The following OR6A2 variants were observed in gnomAD, a reference collection of about 807,000 sequenced individuals.
The protein encoded by OR6A2 is olfactory receptor family 6 subfamily A member 2.
A neutral mutation model predicts 7.1 loss-of-function variants in OR6A2; 6 were observed. The observed-to-expected ratio is 0.85, with a 90% CI of 0.46 to 1.68. OR6A2 has a LOEUF of 1.68. Ranked by LOEUF, OR6A2 falls within the 40% of genes most tolerant of loss-of-function variation. OR6A2 has a pLI of 0.01. For missense variants in OR6A2, 431 were observed against 398.0 expected, an observed-to-expected ratio of 1.08 and a Z score of -0.71; for synonymous variants, 162 against 152.1, an observed-to-expected ratio of 1.06 and a Z score of -0.48.
In OR6A2 at chr11:6,793,296, T is replaced by C. The variant is rs1357383871; in HGVS notation, c.*1429A>G. ...AGCAAATAATGCATGATATCCTTGG[T>C]AATATCCTTTTGTAAATTTTATTAA... On this transcript the variant is annotated 3_prime_UTR_variant, in exon 2 of 2. Coordinates refer to ENST00000641196, the MANE Select transcript of OR6A2 (RefSeq NM_003696.3). The C allele has an allele frequency of 1.3e-5, 2 of 152,234 alleles. No individual in the cohort carries two copies. The highest frequency in any genetic ancestry group is 2.9e-5 in the Non-Finnish European group (2 of 68,038). The allele number at this position is 152,234 out of a possible 1,614,324, so 9.4% of individuals were successfully genotyped here. A position where few individuals can be genotyped will look rare whatever the true frequency, so the allele number is the denominator to read the frequency against.
chr11:6,799,148 G>T (rs1269951174), intron 1 of OR6A2, among the ~76,000 whole-genome samples: 1 of 152,086 alleles, frequency 6.6e-6, no homozygotes, highest in Non-Finnish European at 1.5e-5. Flanking sequence ...AAAACATGAG[G>T]AAGTTAGATG....
At chr11:6,796,049 C>T (rs1847746217) in intron 1 of OR6A2, among the ~76,000 whole-genome samples, 165 bp from the exon 2 acceptor site, 1 of 152,058 alleles carries the variant, frequency 6.6e-6, no homozygotes, top group Non-Finnish European at 1.5e-5. Flanking sequence ...GAAAGAGTCT[C>T]GGCTGCCCTA....
rs1847723028 is a variant in OR6A2, at chr11:6,794,562, T to C, written c.*163A>G. The C allele has an allele frequency of 5.6e-6, 5 of 898,392 alleles. No individual in the cohort carries two copies. Among genetic ancestry groups the C allele is most frequent in the Non-Finnish European group, 8.3e-6 (5 of 602,584 alleles). 55.7% of individuals were successfully genotyped at this position (898,392 alleles called of 1,614,324 possible). A position where few individuals can be genotyped will look rare whatever the true frequency, so the allele number is the denominator to read the frequency against. On this transcript the variant is annotated 3_prime_UTR_variant, in exon 2 of 2. Transcript: ENST00000641196. ...AATCCATTTTCTAGCTTGCAACCTA[T>C]TCCTCTCTCTCCTCTTGGACTAGTT...
At chr11:6,796,591 A>G (rs1847751122) in intron 1 of OR6A2, among the ~76,000 whole-genome samples, 1 of 152,230 alleles carries the variant, frequency 6.6e-6, no homozygotes, top group African/African-American at 2.4e-5. Context: ...AGATTAGGAA[A>G]TGGATGCTGG....
intron 1 of OR6A2, among the ~76,000 whole-genome samples, chr11:6,798,412 C>G (rs1847768773): frequency 6.6e-6 from 1 of 152,144 alleles, no homozygotes; most frequent in Admixed American, 6.6e-5. Context: ...TGTCCTATTT[C>G]TACTGCCTTC....
Position 6,794,317 on chromosome 11 carries a change from A to G in OR6A2, c.*408T>C, listed in dbSNP as rs1394183752. ...TTGATAGGTGATATGTTCCCAAAAC[A>G]AAAATTCCTAGTTTCTTATCTCCTT... On this transcript the variant is annotated 3_prime_UTR_variant, in exon 2 of 2. Coordinates refer to ENST00000641196, the MANE Select transcript of OR6A2 (RefSeq NM_003696.3). The G allele has an allele frequency of 5.9e-6, 1 of 169,138 alleles. No homozygotes were observed. The highest frequency in any genetic ancestry group is 1.3e-5 in the Non-Finnish European group (1 of 77,332). The allele number at this position is 169,138 out of a possible 1,614,324, so 10.5% of individuals were successfully genotyped here.
intron 1 of OR6A2, among the ~76,000 whole-genome samples, chr11:6,798,422 C>T (rs1847768894): frequency 6.6e-6 from 1 of 152,128 alleles, no homozygotes; most frequent in Admixed American, 6.6e-5. Flanking sequence ...CTACTGCCTT[C>T]CTCCTAGTTC....
At position 6,795,743 on chromosome 11, in the gene OR6A2, A is replaced by G; in HGVS notation, c.-35T>C. 1.3e-6 allele frequency: 2 copies of G among 1,599,574 alleles called. No homozygotes were observed. Among genetic ancestry groups the G allele is most frequent in the Non-Finnish European group, 1.7e-6 (2 of 1,169,852 alleles). On this transcript the variant is annotated 5_prime_UTR_variant, in exon 2 of 2. Coordinates refer to ENST00000641196, the MANE Select transcript of OR6A2 (RefSeq NM_003696.3). ...CTCTCTTACTGCTCTTCAGGAGATG[A>G]GAGTAGAGAGTCTTCAGTAGGCCAC...
chr11:6,798,921 T>A (rs1246705804), intron 1 of OR6A2, among the ~76,000 whole-genome samples: 1 of 152,184 alleles, frequency 6.6e-6, no homozygotes, highest in African/African-American at 2.4e-5. Flanking sequence ...TATAATGTGG[T>A]TGCATGAATG....
rs1023220866 is a variant in OR6A2, at chr11:6,792,274, G to T, written c.*2451C>A. On this transcript the variant is annotated 3_prime_UTR_variant, in exon 2 of 2. Transcript: ENST00000641196. ...AATAAAAATTGTTAATCACAATCTA[G>T]AATTCACCTGTACAAGGTTTGTAGT... 4.6e-5 allele frequency: 7 copies of T among 152,140 alleles called. No homozygotes were observed. The highest frequency in any genetic ancestry group is 1.7e-4 in the African/African-American group (7 of 41,444). 9.4% of individuals were successfully genotyped at this position (152,140 alleles called of 1,614,324 possible).
chr11:6,798,502 C>T (rs1458255277), intron 1 of OR6A2, among the ~76,000 whole-genome samples: 3 of 152,170 alleles, frequency 2.0e-5, no homozygotes, highest in South Asian at 4.2e-4. Flanking sequence ...TTTTTTCCTC[C>T]AGCCTGTACC....
At position 6,798,215 on chromosome 11, in the gene OR6A2, C is replaced by G. The variant is rs559977275; in HGVS notation, c.-177+1329G>C. Among the ~76,000 whole-genome samples the G allele has an allele frequency of 2.4e-4, 37 of 152,206 alleles. No individual in the cohort carries two copies. In the Middle Eastern group the frequency reaches 0.014, roughly 56 times the overall value. ...TATGTCTAGAATAACCTTTCCCAAG[C>G]AAGTTATTCCTCTATTACAATAAAT... On this transcript the variant is annotated intron_variant, in intron 1 of 1. Coordinates refer to ENST00000641196, the MANE Select transcript of OR6A2 (RefSeq NM_003696.3).
In OR6A2 at chr11:6,799,444, T is replaced by G. The variant is rs968543784; in HGVS notation, c.-177+100A>C. The G allele has an allele frequency of 2.6e-5, 4 of 152,040 alleles. 1 individual carries two copies. Among genetic ancestry groups the G allele is most frequent in the Admixed American group, 1.3e-4 (2 of 15,244 alleles). The allele number at this position is 152,040 out of a possible 1,614,324, so 9.4% of individuals were successfully genotyped here. On this transcript the variant is annotated intron_variant, in intron 1 of 1. Coordinates refer to ENST00000641196, the MANE Select transcript of OR6A2 (RefSeq NM_003696.3). ...GAGAGGTTTGGGATTTTATTAGGTA[T>G]AGAGAGGAATAAGAAGATGGCTATA...
At chr11:6,798,384 T>C (rs1473474023) in intron 1 of OR6A2, among the ~76,000 whole-genome samples, 2 of 152,184 alleles carry the variant, frequency 1.3e-5, no homozygotes, top group Non-Finnish European at 2.9e-5. Flanking sequence ...TTATCTCTCA[T>C]ATCAGTCCCT....
rs1847715819 is a variant in OR6A2 at position 6,793,874 on chromosome 11, ATC to A, written c.*849_*850del. ...TCTGTATTTATAAGTAAAAGTGTCT[ATC>A]TGCACAAATCTTTCCGAATCAGAAT... is the stretch of plus-strand genomic sequence containing the variant. On this transcript the variant is annotated 3_prime_UTR_variant, in exon 2 of 2. Transcript: ENST00000641196. The A allele has an allele frequency of 6.6e-6, 1 of 152,154 alleles. No homozygotes were observed. Among genetic ancestry groups the A allele is most frequent in the South Asian group, 2.1e-4 (1 of 4,832 alleles). The allele number at this position is 152,154 out of a possible 1,614,324, so 9.4% of individuals were successfully genotyped here.
intron 1 of OR6A2, 26 bp from the exon 2 acceptor site, chr11:6,795,910 G>GT (rs34931384): frequency 0.35 from 151,809 of 432,278 alleles, 7,136 homozygotes; most frequent in Middle Eastern, 0.39. Context: ...AAAAATAAAT[G>GT]TTTTTTTTTT....
rs373367395 is a variant in OR6A2 at position 6,795,528 on chromosome 11, A to G, written c.181T>C (p.Tyr61His). The G allele has an allele frequency of 6.2e-7, 1 of 1,614,150 alleles. No individual in the cohort carries two copies. Among genetic ancestry groups the G allele is most frequent in the African/African-American group, 1.3e-5 (1 of 75,054 alleles). Residue 61 changes from tyrosine to histidine, a missense_variant, in exon 2 of 2, where the codon TAC becomes CAC. Physicochemically the swap from Tyr to His is moderately conservative, Grantham distance 83. Coordinates refer to ENST00000641196, the MANE Select transcript of OR6A2 (RefSeq NM_003696.3). ...AAGGACATATTAGCTAGAAAAAAGT[A>G]CATGGGTTTGTGGAGGGTAGAATGG... is the stretch of plus-strand genomic sequence containing the variant. ...RNHSTLHKPM[Y>H]FFLANMSFLE...
intron 1 of OR6A2, among the ~76,000 whole-genome samples, chr11:6,796,671 T>C (rs1195014048): frequency 6.6e-6 from 1 of 152,232 alleles, no homozygotes; most frequent in Non-Finnish European, 1.5e-5. Flanking sequence ...GGATAGAGTA[T>C]CTTCCTTTAA....
chr11:6,799,035 A>G (rs1437507536), intron 1 of OR6A2, among the ~76,000 whole-genome samples: 1 of 152,254 alleles, frequency 6.6e-6, no homozygotes, highest in Non-Finnish European at 1.5e-5. Context: ...TTTGGTGGAA[A>G]TGGTCAGGAA....
Sources: gnomAD v4.1 joint callset for allele counts (sites outside exome capture counted in the v4.1 genomes callset) on GRCh38, gnomAD v4.1.1 for gene constraint, MANE v1.5 for transcripts, NCBI Gene and HGNC (gene_info 2026-07-23, HGNC 2026-07-21) for gene names.